YTHDF3: variants seen among roughly 807,000 people sequenced by gnomAD.
YTHDF3 encodes YTH N6-methyladenosine RNA binding protein F3.
YTHDF3 carries 9 observed loss-of-function variants against 52.5 expected under a neutral mutation model. That is an observed-to-expected ratio of 0.17 (90% CI 0.10 to 0.30). The LOEUF (loss-of-function observed/expected upper bound fraction) is 0.30, where lower values mean the gene tolerates loss of function less well. Ranked by LOEUF, YTHDF3 falls within the 10% of genes least tolerant of loss-of-function variation. The pLI is 1.00. For missense variants in YTHDF3, 534 were observed against 715.0 expected (o/e 0.75, Z 2.89); for synonymous variants, 274 against 243.3 (o/e 1.13, Z -1.18).
At position 63,187,378 on chromosome 8, in the gene YTHDF3, A is replaced by G; in HGVS notation, c.1367A>G (p.Asn456Ser). The G allele has an allele frequency of 6.2e-7, 1 of 1,614,012 alleles. No individual in the cohort carries two copies. Among genetic ancestry groups the G allele is most frequent in the Non-Finnish European group, 8.5e-7 (1 of 1,179,906 alleles). ...KRLDAAYRSL[N>S]GKGPLYLLFS... ...TTGGATGCAGCTTACCGTTCCCTGAATGGGAAAGGCCCACTCTATTTACTC... is the reference window on the plus strand; with the variant it reads ...TTGGATGCAGCTTACCGTTCCCTGAGTGGGAAAGGCCCACTCTATTTACTC... Residue 456 changes from asparagine (N) to serine (S), a missense_variant, in exon 4 of 5, where the codon AAT becomes AGT. By Grantham distance (46) the Asn-to-Ser change is conservative. Transcript: ENST00000539294.
At chr8:63,172,980 G>T (rs1321399753) in intron 2 of YTHDF3, among the ~76,000 whole-genome samples, 1 of 151,818 alleles carries the variant, frequency 6.6e-6, no homozygotes, top group Non-Finnish European at 1.5e-5. Context: ...TTAAGGGCTA[G>T]TTTAATGCAA....
At chr8:63,194,651 TG>T (rs908406579) in intron 4 of YTHDF3, among the ~76,000 whole-genome samples, 13 of 152,284 alleles carry the variant, frequency 8.5e-5, no homozygotes, top group African/African-American at 2.9e-4. Context: ...AAAACTATAG[TG>T]TTTTTTTCCT....
At chr8:63,179,788 G>A (rs1340314573) in intron 3 of YTHDF3, among the ~76,000 whole-genome samples, 1 of 152,026 alleles carries the variant, frequency 6.6e-6, no homozygotes, top group East Asian at 2.0e-4. Context: ...CTTCCCAGTA[G>A]GGGCGGCCGG....
Position 63,168,705 on chromosome 8 carries a change from G to C in YTHDF3, c.-173G>C, listed in dbSNP as rs1218802602. 2.4e-6 allele frequency: 3 copies of C among 1,268,016 alleles called. No individual in the cohort carries two copies. 78.5% of individuals were successfully genotyped at this position (1,268,016 alleles called of 1,614,324 possible). On this transcript the variant is annotated 5_prime_UTR_variant, in exon 1 of 5. Coordinates refer to ENST00000539294, the MANE Select transcript of YTHDF3 (RefSeq NM_152758.6). ...AGGAGCGTGCAAGCGGAAAAGACGG[G>C]CCTCTTCCTCCGACTCCCGAGCGCG...
In YTHDF3 at chr8:63,189,621, C is replaced by G. The variant is rs1808787422; in HGVS notation, c.1734+1876C>G. On this transcript the variant is annotated intron_variant, in intron 4 of 4. Transcript: ENST00000539294. ...CAGCACAGGGAAGTGCTTCAACATT[C>G]CTCAGAGGGAAGGTGTTGGAATAAT... Among the ~76,000 whole-genome samples the G allele has an allele frequency of 3.9e-5, 6 of 152,248 alleles. No individual in the cohort carries two copies. The South Asian group carries it at 1.2e-3, about 32-fold the overall frequency.
intron 2 of YTHDF3, among the ~76,000 whole-genome samples, chr8:63,170,507 A>G (rs1490730408): frequency 6.6e-6 from 1 of 152,174 alleles, no homozygotes; most frequent in Non-Finnish European, 1.5e-5. Flanking sequence ...GTATGTAAAT[A>G]TTTAGACATT....
chr8:63,182,405 A>G (rs1197371731), intron 3 of YTHDF3, among the ~76,000 whole-genome samples: 2 of 151,858 alleles, frequency 1.3e-5, no homozygotes, highest in Non-Finnish European at 2.9e-5. Flanking sequence ...TTGCTAAAAG[A>G]AAAAAACCCA....
chr8:63,179,371 C>T (rs1007161933), intron 3 of YTHDF3, among the ~76,000 whole-genome samples: 6 of 152,066 alleles, frequency 3.9e-5, no homozygotes, highest in Non-Finnish European at 8.8e-5. Flanking sequence ...TGCGGCCTTC[C>T]GCAGTGTTTG....
chr8:63,198,048 T>C (rs1024557605), intron 4 of YTHDF3, among the ~76,000 whole-genome samples: 1 of 152,214 alleles, frequency 6.6e-6, no homozygotes, highest in Non-Finnish European at 1.5e-5. Flanking sequence ...GCCTATAACA[T>C]TGAGATAAAC....
rs571551538 is a variant in YTHDF3 at position 63,196,040 on chromosome 8, G to A, written c.1734+8295G>A. Among the ~76,000 whole-genome samples, 21 of 152,036 alleles carry A rather than the reference G, an allele frequency of 1.4e-4. No homozygotes were observed. The South Asian group carries it at 1.9e-3, about 14-fold the overall frequency. ...TGGTTTAGAACTTAGAGCTCTGCCC[G>A]CCTCAGCCTCTCAAAGTTCTGGGAT... On this transcript the variant is annotated intron_variant, in intron 4 of 4. Coordinates refer to ENST00000539294, the MANE Select transcript of YTHDF3 (RefSeq NM_152758.6).
intron 3 of YTHDF3, among the ~76,000 whole-genome samples, chr8:63,182,496 T>G (rs1040418573): frequency 9.9e-5 from 15 of 152,186 alleles, no homozygotes; most frequent in African/African-American, 3.6e-4. Flanking sequence ...ACTATGGGTA[T>G]AGACAAATTA....
At position 63,172,587 on chromosome 8, in the gene YTHDF3, T is replaced by G. The variant is rs1807401908; in HGVS notation, c.50-2744T>G. On this transcript the variant is annotated intron_variant, in intron 2 of 4. Coordinates refer to ENST00000539294, the MANE Select transcript of YTHDF3 (RefSeq NM_152758.6). ...TACTATCATTATTTTAGGCTTCATT[T>G]TATCAATCCTCACAACATCCTTGTA... The G allele has an allele frequency of 7.5e-6, 3 of 398,816 alleles. No homozygotes were observed. In the East Asian group the frequency reaches 1.1e-4, roughly 14 times the overall value. 24.7% of individuals were successfully genotyped at this position (398,816 alleles called of 1,614,324 possible).
chr8:63,173,575 C>CT (rs1807488220), intron 2 of YTHDF3: 1 of 774,426 alleles, frequency 1.3e-6, no homozygotes, highest in South Asian at 5.9e-5. Context: ...CAAATACTGA[C>CT]TAACATGTAT....
At chr8:63,191,165 A>G (rs1322135935) in intron 4 of YTHDF3, among the ~76,000 whole-genome samples, 1 of 152,172 alleles carries the variant, frequency 6.6e-6, no homozygotes, top group Non-Finnish European at 1.5e-5. Context: ...TGTGTGCACA[A>G]AAGATTTTTC....
chr8:63,195,064 C>A (rs1809148197), intron 4 of YTHDF3, among the ~76,000 whole-genome samples: 3 of 152,162 alleles, frequency 2.0e-5, no homozygotes, highest in African/African-American at 7.2e-5. Context: ...TGCCAGCCAA[C>A]AAGGCTCTTC....
intron 3 of YTHDF3, among the ~76,000 whole-genome samples, chr8:63,178,823 G>A (rs1807875327): frequency 6.6e-6 from 1 of 152,134 alleles, no homozygotes; most frequent in Non-Finnish European, 1.5e-5. Context: ...TAAATAAAAT[G>A]TTTGGACCTT....
rs1318442165 is a variant in YTHDF3, at chr8:63,168,915, G to T, written c.24+14G>T. On this transcript the variant is annotated intron_variant, in intron 1 of 4. Transcript: ENST00000539294. The stretch of plus-strand genomic sequence containing the variant: ...AGCGTGGATCAGGTGAGGGAGCAGA[G>T]GCCCCAGGCTTGGCGAAGGCCCGAG... 21 of 1,551,244 alleles carry T rather than the reference G, an allele frequency of 1.4e-5. 1 individual carries two copies. In the Admixed American group the frequency reaches 4.1e-4, roughly 30 times the overall value.
intron 4 of YTHDF3, among the ~76,000 whole-genome samples, chr8:63,190,469 A>G (rs913389182): frequency 1.3e-5 from 2 of 152,196 alleles, no homozygotes; most frequent in African/African-American, 4.8e-5. Flanking sequence ...TTTAAACTTT[A>G]ATATTACCCT....
intron 4 of YTHDF3, among the ~76,000 whole-genome samples, chr8:63,193,294 G>A (rs1190376937): frequency 6.8e-6 from 1 of 146,442 alleles, no homozygotes; most frequent in African/African-American, 2.5e-5. Flanking sequence ...AGGAGAATTG[G>A]TTGAACCAGG....
Sources: allele counts gnomAD v4.1 joint callset (sites outside exome capture counted in the v4.1 genomes callset), GRCh38; gene constraint gnomAD v4.1.1; transcripts MANE v1.5; gene names NCBI Gene and HGNC (gene_info 2026-07-23, HGNC 2026-07-21).